Variants in DNAJA2 observed in about 807,000 individuals in gnomAD.
DNAJA2 encodes the protein dnaJ homolog subfamily A member 2.
Under a neutral mutation model 49.3 loss-of-function variants are expected in DNAJA2, and 6 were observed. That is an observed-to-expected ratio of 0.12 (90% confidence interval 0.07 to 0.24). DNAJA2 has a LOEUF of 0.24. Ranked by LOEUF, DNAJA2 falls within the 10% of genes least tolerant of loss-of-function variation. DNAJA2 has a pLI of 1.00. For synonymous variants in DNAJA2, 160 were observed against 172.7 expected (o/e 0.93, Z 0.58); for missense variants, 347 against 516.8 (o/e 0.67, Z 3.19).
chr16:46,971,987 TAACTA>T (rs1962058230), intron 1 of DNAJA2, 32 bp from the exon 2 acceptor site: 1 of 1,469,804 alleles, frequency 6.8e-7, no homozygotes, highest in South Asian at 1.1e-5. Flanking sequence ...AAAAAGGTTA[TAACTA>T]AACACCAGTT....
intron 8 of DNAJA2, 93 bp downstream of exon 8, chr16:46,958,910 C>T (rs181116015): frequency 9.8e-5 from 140 of 1,426,352 alleles, no homozygotes; most frequent in Middle Eastern, 7.8e-4. Context: ...CACCACTACA[C>T]CCCAGCCTGG....
At chr16:46,961,707 G>A (rs1402940768) in intron 6 of DNAJA2, among the ~76,000 whole-genome samples, 5 of 152,008 alleles carry the variant, frequency 3.3e-5, no homozygotes, top group African/African-American at 7.3e-5. Flanking sequence ...GCAGCAGAGC[G>A]GGGAAGCTAA....
At position 46,964,775 on chromosome 16, in the gene DNAJA2, T is replaced by C. The variant is rs1253435557; in HGVS notation, c.610A>G (p.Lys204Glu). The C allele has an allele frequency of 6.2e-7, 1 of 1,613,874 alleles. No individual in the cohort carries two copies. ...TTAATCACCTTCTTCCCTTCACATT[T>C]TTTACAGCGGTCTTTTTCATTAATT... is the stretch of plus-strand genomic sequence containing the variant. Reference protein sequence around the residue: ...EVINEKDRCKKCEGKKVIKEV... With the variant: ...EVINEKDRCKECEGKKVIKEV... The change falls in exon 6 of 9, where the codon AAA (lysine) becomes GAA (glutamate). Residue 204 changes from lysine (K) to glutamate (E), a missense_variant. Lys to Glu is a moderately conservative substitution (Grantham distance 56, BLOSUM62 1). Coordinates refer to ENST00000317089, the MANE Select transcript of DNAJA2 (RefSeq NM_005880.4).
chr16:46,958,374 A>G (rs532542858), intron 8 of DNAJA2, among the ~76,000 whole-genome samples: 1 of 152,264 alleles, frequency 6.6e-6, no homozygotes, highest in South Asian at 2.1e-4. Context: ...CATGGCTAAC[A>G]TGGTGAAACC....
intron 3 of DNAJA2, among the ~76,000 whole-genome samples, chr16:46,970,730 C>CATAAAAAAAAA (rs1962032663): frequency 3.1e-5 from 1 of 32,200 alleles, no homozygotes; most frequent in Non-Finnish European, 5.7e-5. Context: ...GACTCCATTT[C>CATAAAAAAAAA]AAAAAAAAAA....
At chr16:46,964,518 C>T in intron 6 of DNAJA2, 93 bp downstream of exon 6, 1 of 1,254,808 alleles carries the variant, frequency 8.0e-7, no homozygotes, top group Non-Finnish European at 1.1e-6. Flanking sequence ...CAGTGTTGCT[C>T]CAGGGACTCC....
intron 6 of DNAJA2, among the ~76,000 whole-genome samples, chr16:46,961,109 A>G (rs1961889766): frequency 6.6e-6 from 1 of 152,138 alleles, no homozygotes; most frequent in Admixed American, 6.5e-5. Flanking sequence ...AAGTCATACT[A>G]TTTTAGGATG....
intron 3 of DNAJA2, 24 bp from the exon 4 acceptor site, chr16:46,968,188 A>T: frequency 2.6e-5 from 41 of 1,553,580 alleles, no homozygotes; most frequent in Non-Finnish European, 3.5e-5. Flanking sequence ...AATCGGCTTC[A>T]ATCAAATTTT....
intron 3 of DNAJA2, among the ~76,000 whole-genome samples, 153 bp downstream of exon 3, chr16:46,971,195 AT>A (rs1962042438): frequency 6.6e-6 from 1 of 152,230 alleles, no homozygotes; most frequent in Non-Finnish European, 1.5e-5. Flanking sequence ...CATTCAGATA[AT>A]CAAATTCAAT....
chr16:46,961,857 A>G (rs1206680937), intron 6 of DNAJA2, among the ~76,000 whole-genome samples: 2 of 152,082 alleles, frequency 1.3e-5, no homozygotes, highest in East Asian at 3.9e-4. Flanking sequence ...TAACAAAAGT[A>G]CAGGTTATAG....
intron 2 of DNAJA2, 107 bp downstream of exon 2, chr16:46,971,789 T>C: frequency 9.6e-7 from 1 of 1,037,700 alleles, no homozygotes; most frequent in South Asian, 1.3e-5. Flanking sequence ...AAAATGTGGC[T>C]GTGTGGGCAT....
At chr16:46,967,235 C>T (rs1961985005) in intron 5 of DNAJA2, among the ~76,000 whole-genome samples, 1 of 151,952 alleles carries the variant, frequency 6.6e-6, no homozygotes, top group Non-Finnish European at 1.5e-5. Context: ...CACAGACATG[C>T]CCTGAGCCCC....
Position 46,964,593 on chromosome 16 carries a change from TA to T in DNAJA2, c.774+17del. 1.3e-6 allele frequency: 2 copies of T among 1,584,024 alleles called. No homozygotes were observed. Among genetic ancestry groups the T allele is most frequent in the South Asian group, 1.2e-5 (1 of 86,160 alleles). ...CTGAATAAAACAAAATACAAAAAAC[TA>T]AAAAAAGGAAAATCACCTCATGTTC... is the stretch of plus-strand genomic sequence containing the variant. On this transcript the variant is annotated intron_variant, in intron 6 of 8. Transcript: ENST00000317089.
chr16:46,973,504 C>T lies in DNAJA2; in HGVS notation c.69G>A (p.Glu23=), dbSNP rs777476651. 5 of 1,602,998 alleles carry T rather than the reference C, an allele frequency of 3.1e-6. No homozygotes were observed. Among genetic ancestry groups the T allele is most frequent in the Non-Finnish European group, 4.2e-6 (5 of 1,177,520 alleles). Reference sequence around the variant, plus strand: ...GCCCGCTCCCAGATACCTTCTTCAGCTCGTTCTCGCTGGCGCCGGGCGGGA... The same window carrying T: ...GCCCGCTCCCAGATACCTTCTTCAGTTCGTTCTCGCTGGCGCCGGGCGGGA... The part of the protein sequence containing the change: ...LGVPPGASEN[E]LKKAYRKLAK... The change falls in exon 1 of 9, where the codon GAG becomes GAA. Residue 23 remains glutamate, a synonymous_variant. Coordinates refer to ENST00000317089, the MANE Select transcript of DNAJA2 (RefSeq NM_005880.4).
intron 8 of DNAJA2, among the ~76,000 whole-genome samples, chr16:46,958,076 C>T (rs568707852): frequency 2.0e-5 from 3 of 152,268 alleles, no homozygotes; most frequent in Middle Eastern, 3.4e-3. Context: ...CAGTGGCTCA[C>T]GACTGCAATC....
At chr16:46,964,554 A>T in intron 6 of DNAJA2, 57 bp downstream of exon 6, 1 of 1,525,966 alleles carries the variant, frequency 6.6e-7, no homozygotes, top group South Asian at 1.3e-5. Context: ...ATTTCTCACA[A>T]GCAAGAAGTA....
At position 46,971,460 on chromosome 16, in the gene DNAJA2, A is replaced by C. The variant is rs1398677162; in HGVS notation, c.251T>G (p.Met84Arg). The C allele has an allele frequency of 6.2e-7, 1 of 1,613,960 alleles. No individual in the cohort carries two copies. The highest frequency in any genetic ancestry group is 8.5e-7 in the Non-Finnish European group (1 of 1,180,006). ...LREGSGGGGG[M>R]DDIFSHIFGG... ...AAAAATGTGAGAGAAAATATCATCCATGCCACCACCTCCGCCGCTGCCTTC... is the reference window on the plus strand; with the variant it reads ...AAAAATGTGAGAGAAAATATCATCCCTGCCACCACCTCCGCCGCTGCCTTC... The change falls in exon 3 of 9, where the codon ATG (methionine) becomes AGG (arginine). Residue 84 changes from methionine (M) to arginine (R), a missense_variant. Met to Arg is a moderately conservative substitution (Grantham distance 91). Coordinates refer to ENST00000317089, the MANE Select transcript of DNAJA2 (RefSeq NM_005880.4).
intron 8 of DNAJA2, 164 bp downstream of exon 8, chr16:46,958,839 G>C (rs1392323693): frequency 9.8e-6 from 7 of 715,230 alleles, no homozygotes; most frequent in Non-Finnish European, 1.5e-5. Context: ...CAGCTCCTTG[G>C]GGGCTGAGGT....
chr16:46,973,611 A>G lies in DNAJA2; in HGVS notation c.-39T>C. 6.3e-7 allele frequency: 1 copy of G among 1,581,084 alleles called. No individual in the cohort carries two copies. The highest frequency in any genetic ancestry group is 8.5e-7 in the Non-Finnish European group (1 of 1,170,310). On this transcript the variant is annotated 5_prime_UTR_variant, in exon 1 of 9. Coordinates refer to ENST00000317089, the MANE Select transcript of DNAJA2 (RefSeq NM_005880.4). ...GCAGTGCTCGGGGAGAAGGTGGCGA[A>G]GCAGACAGAGCGGAGTCGGGCCCAC...
Sources: allele counts gnomAD v4.1 joint callset (sites outside exome capture counted in the v4.1 genomes callset), GRCh38; gene constraint gnomAD v4.1.1; transcripts MANE v1.5; gene names NCBI Gene and HGNC (gene_info 2026-07-23, HGNC 2026-07-21).